The following GRIA2 variants were observed in gnomAD, a reference collection of about 807,000 sequenced individuals.
The protein encoded by GRIA2 is glutamate ionotropic receptor AMPA type subunit 2.
Under a neutral mutation model 97.3 loss-of-function variants are expected in GRIA2, and 14 were observed. The observed-to-expected ratio is 0.14, with a 90% CI of 0.10 to 0.23. The LOEUF (loss-of-function observed/expected upper bound fraction) is 0.23, where lower values mean the gene tolerates loss of function less well. Among genes scored for constraint, GRIA2 ranks in the 10% least tolerant of loss-of-function variants. GRIA2 has a pLI of 1.00. For missense variants in GRIA2, 558 were observed against 1,069.8 expected (o/e 0.52, Z 6.67); for synonymous variants, 412 against 387.8 (o/e 1.06, Z -0.73).
intron 11 of GRIA2, among the ~76,000 whole-genome samples, chr4:157,337,396 A>C (rs1735334536): frequency 6.6e-6 from 1 of 152,056 alleles, no homozygotes; most frequent in Admixed American, 6.6e-5. Context: ...ATGATATGTT[A>C]AATCCCTGCA....
chr4:157,243,500 T>G (rs1730594873), intron 2 of GRIA2, among the ~76,000 whole-genome samples: 1 of 152,132 alleles, frequency 6.6e-6, no homozygotes, highest in East Asian at 1.9e-4. Flanking sequence ...GTGGCACAGC[T>G]GAAGGACAAA....
chr4:157,256,462 C>G (rs1397118441), intron 2 of GRIA2, among the ~76,000 whole-genome samples: 1 of 150,560 alleles, frequency 6.6e-6, no homozygotes, highest in Non-Finnish European at 1.5e-5. Flanking sequence ...TGAATAAGCT[C>G]ATTAAATATT....
chr4:157,309,096 A>G (rs956521619), intron 3 of GRIA2, among the ~76,000 whole-genome samples: 8 of 152,164 alleles, frequency 5.3e-5, no homozygotes, highest in Non-Finnish European at 1.0e-4. Flanking sequence ...TCACTTGTGA[A>G]TTACTTCTGC....
chr4:157,321,671 G>C (rs530496883), intron 6 of GRIA2, 72 bp downstream of exon 6: 1 of 1,033,334 alleles, frequency 9.7e-7, no homozygotes, highest in Middle Eastern at 2.4e-4. Flanking sequence ...CAAATAAGGA[G>C]GAAGGAGAAA....
intron 2 of GRIA2, among the ~76,000 whole-genome samples, chr4:157,283,187 C>T (rs1288912348): frequency 6.6e-6 from 1 of 152,022 alleles, no homozygotes; most frequent in South Asian, 2.1e-4. Context: ...CTGTAAGAGC[C>T]TCTCAAAGAG....
chr4:157,253,775 T>C (rs956131808), intron 2 of GRIA2, among the ~76,000 whole-genome samples: 35 of 152,114 alleles, frequency 2.3e-4, no homozygotes, highest in African/African-American at 8.4e-4. Context: ...ATAATTTCAC[T>C]GGGAATTTTA....
At chr4:157,247,359 A>G (rs1730776993) in intron 2 of GRIA2, among the ~76,000 whole-genome samples, 1 of 152,196 alleles carries the variant, frequency 6.6e-6, no homozygotes, top group South Asian at 2.1e-4. Flanking sequence ...GTGATTGATG[A>G]AACTGGGAAA....
intron 1 of GRIA2, 133 bp from the exon 2 acceptor site, chr4:157,221,534 A>G: frequency 1.1e-6 from 1 of 893,516 alleles, no homozygotes. Flanking sequence ...CCGCTGTCCG[A>G]GTCCGTAGGT....
rs1263814903 is a variant in GRIA2, at chr4:157,341,232, A to T, written c.1845-32A>T. The stretch of plus-strand genomic sequence containing the variant: ...GTTTTTTTATTAGGTCATTCATTTC[A>T]CTTTACAAATCCATTTCATACTTGT... On this transcript the variant is annotated intron_variant, in intron 11 of 15. Coordinates refer to ENST00000264426, the MANE Select transcript of GRIA2 (RefSeq NM_001083619.3). 12 of 1,446,916 alleles carry T rather than the reference A, an allele frequency of 8.3e-6. No homozygotes were observed. The East Asian group carries it at 2.7e-4, about 33-fold the overall frequency. The allele number at this position is 1,446,916 out of a possible 1,614,324, so 89.6% of individuals were successfully genotyped here.
chr4:157,275,734 C>G (rs1007410856), intron 2 of GRIA2, among the ~76,000 whole-genome samples: 12 of 151,942 alleles, frequency 7.9e-5, no homozygotes, highest in African/African-American at 2.4e-4. Flanking sequence ...CTATATCTCT[C>G]TTTTGGTACC....
intron 2 of GRIA2, among the ~76,000 whole-genome samples, chr4:157,258,381 G>T (rs2126761678): frequency 6.6e-6 from 1 of 152,128 alleles, no homozygotes; most frequent in South Asian, 2.1e-4. Flanking sequence ...TCTTTTTACA[G>T]TTGAAGATAA....
In GRIA2 at chr4:157,299,884, A is replaced by G. The variant is rs184846216; in HGVS notation, c.230-3668A>G. ...CTCAAAACATAAATGCAATTCTAAT[A>G]TTAATCAGGACTATCATTGAGAAAC... On this transcript the variant is annotated intron_variant, in intron 2 of 15. Coordinates refer to ENST00000264426, the MANE Select transcript of GRIA2 (RefSeq NM_001083619.3). 2.2e-3 allele frequency among the ~76,000 whole-genome samples: 338 copies of G among 152,306 alleles called. 1 individual carries two copies. Among genetic ancestry groups the G allele is most frequent in the African/African-American group, 8.0e-3 (331 of 41,560 alleles).
intron 12 of GRIA2, among the ~76,000 whole-genome samples, chr4:157,357,918 T>A (rs1309409905): frequency 1.3e-5 from 2 of 152,248 alleles, no homozygotes; most frequent in East Asian, 1.9e-4. Flanking sequence ...ATTTTTGAAT[T>A]TTCTCTGAAG....
intron 2 of GRIA2, among the ~76,000 whole-genome samples, chr4:157,278,245 A>G (rs1732436780): frequency 6.6e-6 from 1 of 151,906 alleles, no homozygotes; most frequent in Non-Finnish European, 1.5e-5. Context: ...TACAGTAATC[A>G]AGACAGAGTG....
At chr4:157,261,200 A>C (rs1202276067) in intron 2 of GRIA2, among the ~76,000 whole-genome samples, 1 of 152,080 alleles carries the variant, frequency 6.6e-6, no homozygotes, top group Non-Finnish European at 1.5e-5. Context: ...CAGGCAATAG[A>C]GCTTGTGCAG....
chr4:157,280,165 T>C (rs1732531390), intron 2 of GRIA2, among the ~76,000 whole-genome samples: 1 of 152,126 alleles, frequency 6.6e-6, no homozygotes, highest in Admixed American at 6.6e-5. Context: ...CATAAATAAG[T>C]ACAATATTTG....
At chr4:157,282,715 A>G (rs1374931493) in intron 2 of GRIA2, among the ~76,000 whole-genome samples, 1 of 152,104 alleles carries the variant, frequency 6.6e-6, no homozygotes, top group Non-Finnish European at 1.5e-5. Context: ...ATTGTTAAAG[A>G]TTTATGAAAA....
In GRIA2 at chr4:157,303,932, G is replaced by C. The variant is rs111560502; in HGVS notation, c.469+141G>C. 35 of 786,850 alleles carry C rather than the reference G, an allele frequency of 4.4e-5. No homozygotes were observed. In the African/African-American group the frequency reaches 5.2e-4, roughly 12 times the overall value. The allele number at this position is 786,850 out of a possible 1,614,324, so 48.7% of individuals were successfully genotyped here. A position where few individuals can be genotyped will look rare whatever the true frequency, so the allele number is the denominator to read the frequency against. On this transcript the variant is annotated intron_variant, in intron 3 of 15. Transcript: ENST00000264426. ...TAATTTTGCTGTGATAATGACTAATGCAATTTAAAACCTGGGAAACATATT... is the reference window on the plus strand; with the variant it reads ...TAATTTTGCTGTGATAATGACTAATCCAATTTAAAACCTGGGAAACATATT...
Position 157,263,561 on chromosome 4 carries a change from G to A in GRIA2, c.230-39991G>A, listed in dbSNP as rs1056162670. Among the ~76,000 whole-genome samples, 6 of 152,136 alleles carry A rather than the reference G, an allele frequency of 3.9e-5. No homozygotes were observed. The East Asian group carries it at 1.2e-3, about 29-fold the overall frequency. On this transcript the variant is annotated intron_variant, in intron 2 of 15. Coordinates refer to ENST00000264426, the MANE Select transcript of GRIA2 (RefSeq NM_001083619.3). ...ATGGTCGACCAGGTGGGATCAAAGG[G>A]TTTTGCTACTTCTGAAGATTTTAGC...
Sources: gnomAD v4.1 joint callset for allele counts (sites outside exome capture counted in the v4.1 genomes callset) on GRCh38, gnomAD v4.1.1 for gene constraint, MANE v1.5 for transcripts, NCBI Gene and HGNC (gene_info 2026-07-23, HGNC 2026-07-21) for gene names.